EEFSEC: variants seen among roughly 807,000 people sequenced by gnomAD.
EEFSEC encodes selenocysteine-specific elongation factor.
In EEFSEC, 43 loss-of-function variants were observed where a neutral mutation model predicts 42.1. That is an observed-to-expected ratio of 1.02 (90% CI 0.80 to 1.32). EEFSEC has a LOEUF of 1.32. Ranked by LOEUF, EEFSEC falls within the 40% of genes most tolerant of loss-of-function variation. The pLI is 0.00. For synonymous variants in EEFSEC, 354 were observed against 339.1 expected (o/e 1.04, Z -0.48); for missense variants, 745 against 803.6 (o/e 0.93, Z 0.88).
At chr3:128,388,163 G>A (rs942078062) in intron 6 of EEFSEC, among the ~76,000 whole-genome samples, 2 of 152,214 alleles carry the variant, frequency 1.3e-5, no homozygotes, top group Admixed American at 6.5e-5. Context: ...TCTTTCCATT[G>A]CTCCCGCTCT....
At chr3:128,377,222 GTC>G (rs2067719924) in intron 6 of EEFSEC, among the ~76,000 whole-genome samples, 2 of 152,010 alleles carry the variant, frequency 1.3e-5, no homozygotes, top group Admixed American at 1.3e-4. Context: ...ACAATTTTGT[GTC>G]TGATTCTTTT....
rs2066334114 is a variant in EEFSEC at position 128,264,690 on chromosome 3, T to C, written c.695T>C (p.Phe232Ser). 6.2e-7 allele frequency: 1 copy of C among 1,613,924 alleles called. No homozygotes were observed. Among genetic ancestry groups the C allele is most frequent in the South Asian group, 1.1e-5 (1 of 91,048 alleles). ...TTCCTCATGTCTGTGGACCACTGTTTCTCCATCAAAGGCCAAGGCACTGTG... is the reference window on the plus strand; with the variant it reads ...TTCCTCATGTCTGTGGACCACTGTTCCTCCATCAAAGGCCAAGGCACTGTG... ...GPFLMSVDHC[F>S]SIKGQGTVMT... The change falls in exon 4 of 7, where the codon TTC (phenylalanine) becomes TCC (serine). Residue 232 changes from phenylalanine to serine, a missense_variant. Physicochemically the swap from Phe to Ser is radical, Grantham distance 155 (BLOSUM62 -2). Transcript: ENST00000254730.
At chr3:128,360,844 T>A (rs1440799793) in intron 6 of EEFSEC, among the ~76,000 whole-genome samples, 2 of 152,166 alleles carry the variant, frequency 1.3e-5, no homozygotes, top group Non-Finnish European at 2.9e-5. Flanking sequence ...TTGTGGCTTT[T>A]AAGCTTTTTA....
chr3:128,339,924 A>T (rs577492194), intron 4 of EEFSEC, among the ~76,000 whole-genome samples: 2 of 152,310 alleles, frequency 1.3e-5, no homozygotes, highest in Admixed American at 6.5e-5. Context: ...AAACAATCAG[A>T]TCTAGTGAGA....
chr3:128,388,644 G>A (rs2067871243), intron 6 of EEFSEC, among the ~76,000 whole-genome samples: 1 of 152,252 alleles, frequency 6.6e-6, no homozygotes, highest in Non-Finnish European at 1.5e-5. Flanking sequence ...CCATTCCCTG[G>A]TGTAGTCTGC....
intron 6 of EEFSEC, among the ~76,000 whole-genome samples, chr3:128,392,154 C>T (rs1475252195): frequency 6.6e-6 from 1 of 152,224 alleles, no homozygotes; most frequent in Non-Finnish European, 1.5e-5. Flanking sequence ...CAGTGCTAGC[C>T]TCTGTTGTCT....
intron 4 of EEFSEC, among the ~76,000 whole-genome samples, chr3:128,331,966 A>G (rs777122293): frequency 4.6e-5 from 7 of 152,188 alleles, no homozygotes; most frequent in African/African-American, 9.7e-5. Context: ...CCCTATGTAT[A>G]TATACAATTT....
intron 6 of EEFSEC, 38 bp from the exon 7 acceptor site, chr3:128,408,031 G>A (rs748117194): frequency 3.3e-6 from 5 of 1,500,260 alleles, no homozygotes; most frequent in Admixed American, 2.2e-5. Flanking sequence ...GGTGCTTGGG[G>A]TACGGCAGAG....
chr3:128,336,934 T>C (rs886156989), intron 4 of EEFSEC: 4 of 152,196 alleles, frequency 2.6e-5, no homozygotes, highest in African/African-American at 9.7e-5. Context: ...AGAAGGTTGC[T>C]ACCCACGTGT....
rs2068113123 is a variant in EEFSEC, at chr3:128,406,332, A to G, written c.1601-1737A>G. ...ACCCAAACTCATAGAAGCAGAGGGT[A>G]GAAGGGTGGTTGTGGGAGCCTGGGG... On this transcript the variant is annotated intron_variant, in intron 6 of 6. Coordinates refer to ENST00000254730, the MANE Select transcript of EEFSEC (RefSeq NM_021937.5). Among the ~76,000 whole-genome samples the G allele has an allele frequency of 2.6e-5, 4 of 152,190 alleles. 1 individual carries two copies. Among genetic ancestry groups the G allele is most frequent in the Non-Finnish European group, 5.9e-5 (4 of 68,020 alleles).
chr3:128,304,597 C>T (rs753394382), intron 4 of EEFSEC, among the ~76,000 whole-genome samples: 1 of 152,072 alleles, frequency 6.6e-6, no homozygotes, highest in Non-Finnish European at 1.5e-5. Context: ...AATTTCCATT[C>T]TTCCTTTTAA....
intron 6 of EEFSEC, among the ~76,000 whole-genome samples, chr3:128,381,578 C>T (rs544985758): frequency 6.6e-6 from 1 of 152,324 alleles, no homozygotes; most frequent in South Asian, 2.1e-4. Context: ...ATCACCTCTG[C>T]GTGCCAACCC....
chr3:128,326,511 T>G (rs933061953), intron 4 of EEFSEC, among the ~76,000 whole-genome samples: 2 of 152,204 alleles, frequency 1.3e-5, no homozygotes, highest in Non-Finnish European at 2.9e-5. Context: ...GCTTCTCATC[T>G]TATGGTGGTG....
chr3:128,194,802 A>G (rs1370204020), intron 1 of EEFSEC, among the ~76,000 whole-genome samples: 1 of 152,266 alleles, frequency 6.6e-6, no homozygotes, highest in African/African-American at 2.4e-5. Context: ...ACATATGTGC[A>G]AGAAAAAGAC....
intron 4 of EEFSEC, among the ~76,000 whole-genome samples, chr3:128,324,207 C>A (rs55675294): frequency 0.17 from 25,995 of 151,368 alleles, 3,028 homozygotes; most frequent in African/African-American, 0.33. Flanking sequence ...TTCCCAAGGG[C>A]AGTTAATTCC....
chr3:128,279,071 G>A (rs1042609951), intron 4 of EEFSEC, among the ~76,000 whole-genome samples: 1 of 152,148 alleles, frequency 6.6e-6, no homozygotes, highest in African/African-American at 2.4e-5. Context: ...GGAGGAGAAT[G>A]GTGGGGCAGG....
intron 1 of EEFSEC, among the ~76,000 whole-genome samples, chr3:128,209,710 A>G (rs2065736320): frequency 6.6e-6 from 1 of 152,250 alleles, no homozygotes; most frequent in Admixed American, 6.5e-5. Context: ...ACATATATAC[A>G]CGCACACATG....
At position 128,240,723 on chromosome 3, in the gene EEFSEC, C is replaced by T. The variant is rs569096269; in HGVS notation, c.317-6113C>T. On this transcript the variant is annotated intron_variant, in intron 1 of 6. Transcript: ENST00000254730. The stretch of plus-strand genomic sequence containing the variant: ...GAATGGGCTGCAATGTGACTGAAGT[C>T]TTGCTGCCTTCCCATCCCCTGCCCT... Among the ~76,000 whole-genome samples, 4 of 152,342 alleles carry T rather than the reference C, an allele frequency of 2.6e-5. No homozygotes were observed. The East Asian group carries it at 7.7e-4, about 29-fold the overall frequency.
At chr3:128,184,854 G>A (rs1351493444) in intron 1 of EEFSEC, among the ~76,000 whole-genome samples, 2 of 152,028 alleles carry the variant, frequency 1.3e-5, no homozygotes, top group Non-Finnish European at 2.9e-5. Flanking sequence ...ATTGTATTTT[G>A]CACCTTACCC....
Sources: allele counts gnomAD v4.1 joint callset (sites outside exome capture counted in the v4.1 genomes callset), GRCh38; gene constraint gnomAD v4.1.1; transcripts MANE v1.5; gene names NCBI Gene and HGNC (gene_info 2026-07-23, HGNC 2026-07-21).